The following SOAT1 variants were observed in gnomAD, a reference collection of about 807,000 sequenced individuals.
SOAT1 encodes acyl-coenzyme A:cholesterol acyltransferase 1.
Under a neutral mutation model 69.5 loss-of-function variants are expected in SOAT1, and 55 were observed. The ratio of observed to expected loss-of-function variants is 0.79; its 90% CI spans 0.64 to 0.99. The LOEUF (loss-of-function observed/expected upper bound fraction) is 0.99. Ranked by LOEUF, SOAT1 falls within the 50% of genes least tolerant of loss-of-function variation. The probability of loss-of-function intolerance (pLI) is 0.00; values close to 1 mark genes in which losing one functional copy is unlikely to be tolerated. For missense variants in SOAT1, 580 were observed against 669.3 expected, an observed-to-expected ratio of 0.87 and a Z score of 1.47; for synonymous variants, 231 against 224.7, an observed-to-expected ratio of 1.03 and a Z score of -0.25.
chr1:179,323,219 C>G (rs563596894), intron 2 of SOAT1, among the ~76,000 whole-genome samples: 13 of 152,192 alleles, frequency 8.5e-5, no homozygotes, highest in Middle Eastern at 3.4e-3. Context: ...TAATTAACAT[C>G]GTTGTAATTA....
In SOAT1 at chr1:179,353,612, C is replaced by T. The variant is rs755226603; in HGVS notation, c.1624C>T (p.Arg542Cys). 3.3e-5 allele frequency: 53 copies of T among 1,613,656 alleles called. No homozygotes were observed. Among genetic ancestry groups the T allele is most frequent in the South Asian group, 1.2e-4 (11 of 91,044 alleles). The change falls in exon 16 of 16, where the codon CGT becomes TGT. Residue 542 changes from arginine (R) to cysteine (C), a missense_variant. Coordinates refer to ENST00000367619, the MANE Select transcript of SOAT1 (RefSeq NM_003101.6). ...CACATTTTTGGATTATGTCCGGCCA[C>T]GTTCCTGGACTTGTCGTTACGTGTT... ...NPTFLDYVRP[R>C]SWTCRYVF
intron 3 of SOAT1, among the ~76,000 whole-genome samples, chr1:179,331,662 A>G (rs1309035550): frequency 6.6e-6 from 1 of 152,250 alleles, no homozygotes; most frequent in Non-Finnish European, 1.5e-5. Context: ...CAAAGAGCAT[A>G]TACACTTGAA....
At chr1:179,346,841 G>T (rs982924602) in intron 11 of SOAT1, among the ~76,000 whole-genome samples, 4 of 152,108 alleles carry the variant, frequency 2.6e-5, no homozygotes, top group Non-Finnish European at 5.9e-5. Context: ...AGGCTGAGGT[G>T]GGAGGATCAC....
At chr1:179,333,965 G>A (rs6680823) in intron 3 of SOAT1, among the ~76,000 whole-genome samples, 39,709 of 152,124 alleles carry the variant, frequency 0.26, 5,355 homozygotes, top group East Asian at 0.46. Context: ...CAACCATGGC[G>A]GAGCCAGAGG....
chr1:179,343,660 T>C, intron 10 of SOAT1, 25 bp downstream of exon 10: 1 of 1,547,168 alleles, frequency 6.5e-7, no homozygotes, highest in Non-Finnish European at 8.9e-7. Context: ...CTGCCTAAGG[T>C]ATGTTGATTA....
chr1:179,298,319 A>T (rs572758835), intron 1 of SOAT1, among the ~76,000 whole-genome samples: 2 of 152,010 alleles, frequency 1.3e-5, no homozygotes, highest in South Asian at 2.1e-4. Flanking sequence ...CGATCTCCTG[A>T]CCTGGTGATC....
rs775151088 is a variant in SOAT1 at position 179,302,702 on chromosome 1, G to T, written c.18G>T (p.Lys6Asn). Residue 6 changes from lysine to asparagine, a missense_variant, in exon 2 of 16, where the codon AAG becomes AAT. Transcript: ENST00000367619. MVGEE[K>N]MSLRNRLSKS... is the part of the protein sequence containing the mutation. ...ACAATACAATGGTGGGTGAAGAGAA[G>T]ATGTCTCTAAGAAACCGGCTGTCAA... is the stretch of plus-strand genomic sequence containing the variant. 2.4e-5 allele frequency: 39 copies of T among 1,600,198 alleles called. No homozygotes were observed. The South Asian group carries it at 2.7e-4, about 11-fold the overall frequency.
chr1:179,344,138 T>TTC (rs1666438722), intron 10 of SOAT1, among the ~76,000 whole-genome samples: 1 of 151,960 alleles, frequency 6.6e-6, no homozygotes, highest in Non-Finnish European at 1.5e-5. Context: ...AAAGAATGTA[T>TTC]TATTTATAAA....
Position 179,344,901 on chromosome 1 carries a change from C to A in SOAT1, c.988-46C>A, listed in dbSNP as rs769361112. On this transcript the variant is annotated intron_variant, in intron 10 of 15. Coordinates refer to ENST00000367619, the MANE Select transcript of SOAT1 (RefSeq NM_003101.6). ...TGGAGAGAAAAAAATCGCCTTCCAT[C>A]TTATTAAGCCATCGTTATTATAATT... 3.1e-6 allele frequency: 5 copies of A among 1,607,302 alleles called. No homozygotes were observed. The East Asian group carries it at 1.1e-4, about 36-fold the overall frequency.
rs1234476509 is a variant in SOAT1, at chr1:179,354,317, A to C, written c.*676A>C. The C allele has an allele frequency of 6.6e-6, 1 of 152,644 alleles. No homozygotes were observed. The highest frequency in any genetic ancestry group is 1.9e-4 in the East Asian group (1 of 5,196). The allele number at this position is 152,644 out of a possible 1,614,324, so 9.5% of individuals were successfully genotyped here. A position where few individuals can be genotyped will look rare whatever the true frequency, so the allele number is the denominator to read the frequency against. ...ATGAATTCTTGAGTTTACATCAATA[A>C]TATTGTATATTAAGGGGATCAGAAG... On this transcript the variant is annotated 3_prime_UTR_variant, in exon 16 of 16. Coordinates refer to ENST00000367619, the MANE Select transcript of SOAT1 (RefSeq NM_003101.6).
At chr1:179,298,342 C>A (rs956576090) in intron 1 of SOAT1, among the ~76,000 whole-genome samples, 15 of 152,118 alleles carry the variant, frequency 9.9e-5, no homozygotes, top group African/African-American at 3.4e-4. Flanking sequence ...CCCACCTCGG[C>A]CTCCCAAAGT....
chr1:179,338,034 T>C, intron 5 of SOAT1, 138 bp downstream of exon 5: 1 of 511,786 alleles, frequency 2.0e-6, no homozygotes. Flanking sequence ...CTATGCTCTC[T>C]CTTGCTCCTT....
chr1:179,346,709 A>G (rs900297165), intron 11 of SOAT1, among the ~76,000 whole-genome samples: 18 of 152,138 alleles, frequency 1.2e-4, no homozygotes, highest in Non-Finnish European at 1.8e-4. Flanking sequence ...TCTGCATTGT[A>G]GCATAAACTG....
chr1:179,299,993 C>T (rs568979232), intron 1 of SOAT1, among the ~76,000 whole-genome samples: 1 of 151,100 alleles, frequency 6.6e-6, no homozygotes. Flanking sequence ...GATCTCCTGA[C>T]TTCATGATCT....
At chr1:179,343,391 GT>G (rs13306726) in intron 9 of SOAT1, among the ~76,000 whole-genome samples, 198 bp from the exon 10 acceptor site, 32,457 of 151,264 alleles carry the variant, frequency 0.21, 4,029 homozygotes, top group East Asian at 0.41. Context: ...CGCCCGGTTG[GT>G]TTTTTTGTAT....
intron 2 of SOAT1, among the ~76,000 whole-genome samples, chr1:179,318,536 A>G (rs1261516596): frequency 6.6e-6 from 1 of 152,192 alleles, no homozygotes; most frequent in African/African-American, 2.4e-5. Context: ...AGAACAGAGA[A>G]ATTAGAATGA....
intron 11 of SOAT1, among the ~76,000 whole-genome samples, chr1:179,346,584 C>T (rs1666541445): frequency 6.6e-6 from 1 of 152,194 alleles, no homozygotes; most frequent in African/African-American, 2.4e-5. Flanking sequence ...ATGTTTACAA[C>T]ACTTAGAGGG....
intron 2 of SOAT1, among the ~76,000 whole-genome samples, chr1:179,323,045 C>CTTTTTTTTTTTTTTTTTTTTTTTTG (rs36045111): frequency 7.9e-6 from 1 of 126,740 alleles, no homozygotes; most frequent in Non-Finnish European, 1.6e-5. Context: ...TCTTTTCTTT[C>CTTTTTTTTTTTTTTTTTTTTTTTTG]TTTTTTTTTT....
rs1178872422 is a variant in SOAT1 at position 179,337,859 on chromosome 1, C to A, written c.352C>A (p.Gln118Lys). 8.1e-6 allele frequency: 13 copies of A among 1,610,430 alleles called. No homozygotes were observed. Among genetic ancestry groups the A allele is most frequent in the Non-Finnish European group, 1.0e-5 (12 of 1,178,238 alleles). ...RAKDLRAPPEQGKIFIARRSL... is the reference protein window; with the variant it reads ...RAKDLRAPPEKGKIFIARRSL... ...CAGGGATTTGAGAGCACCTCCAGAA[C>A]AAGGAAAGATTTTTATTGCAAGGCG... The change falls in exon 5 of 16, where the codon CAA becomes AAA. Residue 118 changes from glutamine to lysine, a missense_variant. By Grantham distance (53) the Gln-to-Lys change is moderately conservative. Transcript: ENST00000367619.
Sources: allele counts gnomAD v4.1 joint callset (sites outside exome capture counted in the v4.1 genomes callset), GRCh38; gene constraint gnomAD v4.1.1; transcripts MANE v1.5; gene names NCBI Gene and HGNC (gene_info 2026-07-23, HGNC 2026-07-21).